Variants in ADAM18 observed in about 807,000 individuals in gnomAD.
The protein encoded by ADAM18 is disintegrin and metalloproteinase domain-containing protein 18.
In ADAM18, 117 loss-of-function variants were observed where a neutral mutation model predicts 94.4. That is an observed-to-expected ratio of 1.24 (90% CI 1.07 to 1.45). The LOEUF (loss-of-function observed/expected upper bound fraction) is 1.45. ADAM18 is among the 40% of genes most tolerant of loss of function. The probability of loss-of-function intolerance (pLI) is 0.00; values close to 1 mark genes in which losing one functional copy is unlikely to be tolerated. For missense variants in ADAM18, 936 were observed against 880.0 expected (o/e 1.06, Z -0.81); for synonymous variants, 327 against 291.6 (o/e 1.12, Z -1.24).
rs57417687 is a variant in ADAM18, at chr8:39,707,805, T to C, written c.2017+901T>C. Reference sequence around the variant, plus strand: ...TTCTTACATATATTTGGAATATGTATGTATTAATATATTTTCCTTATGAAG... The same window carrying C: ...TTCTTACATATATTTGGAATATGTACGTATTAATATATTTTCCTTATGAAG... On this transcript the variant is annotated intron_variant, in intron 18 of 19. Transcript: ENST00000265707. Among the ~76,000 whole-genome samples the C allele has an allele frequency of 1.8e-3, 269 of 152,296 alleles. 1 individual carries two copies. The highest frequency in any genetic ancestry group is 5.9e-3 in the African/African-American group (247 of 41,566).
intron 17 of ADAM18, among the ~76,000 whole-genome samples, chr8:39,696,514 A>T (rs1291024248): frequency 6.6e-6 from 1 of 151,470 alleles, no homozygotes; most frequent in Non-Finnish European, 1.5e-5. Flanking sequence ...CTCTTCCTTC[A>T]GTTAGATCTT....
chr8:39,659,296 C>T (rs781639743), intron 12 of ADAM18, among the ~76,000 whole-genome samples: 1 of 151,504 alleles, frequency 6.6e-6, no homozygotes, highest in Non-Finnish European at 1.5e-5. Context: ...TGGATTTTTA[C>T]ATGGAAAATT....
intron 16 of ADAM18, among the ~76,000 whole-genome samples, chr8:39,691,398 A>G (rs531832950): frequency 6.6e-6 from 1 of 152,262 alleles, no homozygotes; most frequent in African/African-American, 2.4e-5. Flanking sequence ...TACAGCTAAT[A>G]TGGAAAACAG....
intron 18 of ADAM18, among the ~76,000 whole-genome samples, chr8:39,717,836 A>G (rs1459381295): frequency 6.6e-6 from 1 of 151,650 alleles, no homozygotes; most frequent in African/African-American, 2.4e-5. Context: ...TCCAAAATAT[A>G]TAAGAATATA....
intron 11 of ADAM18, among the ~76,000 whole-genome samples, chr8:39,645,979 T>C (rs752795956): frequency 2.0e-5 from 3 of 152,126 alleles, no homozygotes; most frequent in South Asian, 4.1e-4. Flanking sequence ...TATTTTAAAA[T>C]AATAGAGACA....
chr8:39,668,905 A>G (rs1263664137), intron 14 of ADAM18, among the ~76,000 whole-genome samples: 2 of 152,112 alleles, frequency 1.3e-5, no homozygotes, highest in Non-Finnish European at 2.9e-5. Context: ...TACATTGTAT[A>G]TGGTCCATCT....
intron 18 of ADAM18, among the ~76,000 whole-genome samples, chr8:39,708,358 A>T (rs1173589213): frequency 1.3e-5 from 2 of 152,228 alleles, no homozygotes; most frequent in East Asian, 1.9e-4. Flanking sequence ...CAAAATTTTT[A>T]AAATCTCATA....
intron 2 of ADAM18, among the ~76,000 whole-genome samples, chr8:39,597,419 G>T (rs986811269): frequency 6.6e-6 from 1 of 151,934 alleles, no homozygotes; most frequent in African/African-American, 2.4e-5. Context: ...TTTACATTTT[G>T]GTCTGTTATT....
At chr8:39,723,390 A>C (rs1822813110) in intron 18 of ADAM18, among the ~76,000 whole-genome samples, 3 of 151,588 alleles carry the variant, frequency 2.0e-5, no homozygotes, top group South Asian at 4.1e-4. Flanking sequence ...TAAGGAAAAA[A>C]CTGATTTGGC....
At chr8:39,677,805 A>G (rs141268152) in intron 15 of ADAM18, among the ~76,000 whole-genome samples, 1 of 152,330 alleles carries the variant, frequency 6.6e-6, no homozygotes, top group African/African-American at 2.4e-5. Flanking sequence ...GCTACTCTGT[A>G]TTGAGAATTC....
intron 2 of ADAM18, among the ~76,000 whole-genome samples, chr8:39,598,436 T>C (rs1818804629): frequency 6.6e-6 from 1 of 151,970 alleles, no homozygotes; most frequent in Non-Finnish European, 1.5e-5. Context: ...CTATTCTTAG[T>C]TTGCTGAAAA....
intron 18 of ADAM18, among the ~76,000 whole-genome samples, chr8:39,717,477 G>A (rs1030482378): frequency 2.6e-5 from 4 of 151,516 alleles, no homozygotes; most frequent in African/African-American, 4.8e-5. Context: ...CATTTCAACC[G>A]GAAGAACTCC....
Position 39,609,556 on chromosome 8 carries a change from T to C in ADAM18, c.339T>C (p.Gly113=). ...NSFVTLSICS[G]LRGFLQFENI... ...TTGTGACACTCAGTATATGTTCTGG[T>C]CTCAGGTAATAGCACCTTATAAGAA... The change falls in exon 5 of 20, where the codon GGT becomes GGC. Residue 113 remains glycine, a synonymous_variant. Transcript: ENST00000265707. 2 of 1,605,768 alleles carry C rather than the reference T, an allele frequency of 1.2e-6. No homozygotes were observed. Among genetic ancestry groups the C allele is most frequent in the Non-Finnish European group, 1.7e-6 (2 of 1,174,264 alleles).
intron 6 of ADAM18, among the ~76,000 whole-genome samples, chr8:39,616,382 C>G (rs1163715117): frequency 6.6e-6 from 1 of 152,152 alleles, no homozygotes; most frequent in Non-Finnish European, 1.5e-5. Context: ...TGCACTCCAG[C>G]TTGGGTGACA....
At chr8:39,659,836 T>G (rs1820786771) in intron 12 of ADAM18, among the ~76,000 whole-genome samples, 1 of 151,998 alleles carries the variant, frequency 6.6e-6, no homozygotes, top group African/African-American at 2.4e-5. Context: ...CTGAAAATAA[T>G]TATAGATACC....
chr8:39,711,523 C>T (rs1203228023), intron 18 of ADAM18, among the ~76,000 whole-genome samples: 3 of 151,938 alleles, frequency 2.0e-5, no homozygotes, highest in Non-Finnish European at 2.9e-5. Context: ...TCAAGAAAAA[C>T]ATGTATGGAC....
intron 3 of ADAM18, among the ~76,000 whole-genome samples, chr8:39,608,235 C>T (rs1010559570): frequency 6.6e-6 from 1 of 152,038 alleles, no homozygotes; most frequent in Admixed American, 6.6e-5. Context: ...ACCTACCCCA[C>T]TGATGCTATC....
At chr8:39,717,730 A>T (rs969525675) in intron 18 of ADAM18, among the ~76,000 whole-genome samples, 2 of 151,720 alleles carry the variant, frequency 1.3e-5, no homozygotes. Context: ...ATATCAAACT[A>T]TAAAGCTCTA....
chr8:39,608,120 G>A (rs918122445), intron 3 of ADAM18, among the ~76,000 whole-genome samples: 2 of 151,930 alleles, frequency 1.3e-5, no homozygotes, highest in Non-Finnish European at 2.9e-5. Flanking sequence ...AGTCATACTT[G>A]ACATCTTTCT....
Sources: allele counts gnomAD v4.1 joint callset (sites outside exome capture counted in the v4.1 genomes callset), GRCh38; gene constraint gnomAD v4.1.1; transcripts MANE v1.5; gene names NCBI Gene and HGNC (gene_info 2026-07-23, HGNC 2026-07-21).